The following VCAN variants were observed in gnomAD, a reference collection of about 807,000 sequenced individuals.
VCAN encodes versican core protein.
VCAN carries 44 observed loss-of-function variants against 245.5 expected under a neutral mutation model. That is an observed-to-expected ratio of 0.18 (90% CI 0.14 to 0.23). VCAN has a LOEUF of 0.23. Among genes scored for constraint, VCAN ranks in the 10% least tolerant of loss-of-function variants. The pLI is 1.00. For missense variants in VCAN, 3,793 were observed against 4,057.9 expected (o/e 0.93, Z 1.77); for synonymous variants, 1,413 against 1,437.0 (o/e 0.98, Z 0.38).
chr5:83,495,519 G>A (rs955428859), intron 5 of VCAN, among the ~76,000 whole-genome samples: 4 of 152,140 alleles, frequency 2.6e-5, no homozygotes, highest in Admixed American at 6.5e-5. Context: ...TAAAACTAGA[G>A]CTTTTCTCTT....
At position 83,522,148 on chromosome 5, in the gene VCAN, C is replaced by T. The variant is rs570361402; in HGVS notation, c.3842C>T (p.Thr1281Met). The T allele has an allele frequency of 2.5e-5, 40 of 1,612,324 alleles. No individual in the cohort carries two copies. Among genetic ancestry groups the T allele is most frequent in the Middle Eastern group, 1.6e-4 (1 of 6,062 alleles). The change falls in exon 7 of 15, where the codon ACG becomes ATG. Residue 1281 changes from threonine to methionine, a missense_variant. Thr to Met is a moderately conservative substitution (Grantham distance 81, BLOSUM62 -1). Transcript: ENST00000265077. Reference protein sequence around the residue: ...TETDIDREYFTTSSPPATQPT... With the variant: ...TETDIDREYFMTSSPPATQPT... The stretch of plus-strand genomic sequence containing the variant: ...ACCGATATTGATAGAGAGTATTTCA[C>T]GACTTCAAGTCCTCCTGCTACACAG...
In VCAN at chr5:83,539,450, A is replaced by T; in HGVS notation, c.6447A>T (p.Glu2149Asp). 1 of 1,613,428 alleles carries T rather than the reference A, an allele frequency of 6.2e-7. No individual in the cohort carries two copies. Residue 2149 changes from glutamate to aspartate, a missense_variant, in exon 8 of 15, where the codon GAA (glutamate) becomes GAT (aspartate). Physicochemically the swap from Glu to Asp is conservative, Grantham distance 45. Transcript: ENST00000265077. Reference protein sequence around the residue: ...IFDSQTFTETELKTTDYSVLT... With the variant: ...IFDSQTFTETDLKTTDYSVLT... ...ATTCACAGACATTTACTGAAACTGA[A>T]CTCAAAACCACAGATTATTCTGTAC...
chr5:83,512,426 C>A (rs769904020), intron 6 of VCAN, 30 bp downstream of exon 6: 2 of 1,607,322 alleles, frequency 1.2e-6, no homozygotes, highest in South Asian at 2.2e-5. Context: ...TTAAAAATTA[C>A]AGTTTTAAAA....
chr5:83,509,205 C>T (rs560576064), intron 5 of VCAN, among the ~76,000 whole-genome samples: 19 of 152,214 alleles, frequency 1.2e-4, no homozygotes, highest in African/African-American at 3.6e-4. Context: ...AAATGAATAT[C>T]GTATACTTCA....
rs142139582 is a variant in VCAN, at chr5:83,532,989, A to G, written c.4004-4018A>G. 3.4e-3 allele frequency among the ~76,000 whole-genome samples: 516 copies of G among 152,242 alleles called. 2 individuals are homozygous for G. Among genetic ancestry groups the G allele is most frequent in the African/African-American group, 0.012 (491 of 41,568 alleles). ...TTTCAGTTGCTCTTCTCACAAAAAG[A>G]TGGTATATATGTTAATCTGCTTCCT... On this transcript the variant is annotated intron_variant, in intron 7 of 14. Transcript: ENST00000265077.
At chr5:83,524,832 G>A (rs922092964) in intron 7 of VCAN, among the ~76,000 whole-genome samples, 1 of 152,104 alleles carries the variant, frequency 6.6e-6, no homozygotes, top group Non-Finnish European at 1.5e-5. Flanking sequence ...AAGTGCATAT[G>A]TGCCTGGAGA....
chr5:83,571,404 A>G (rs542365544), intron 12 of VCAN, among the ~76,000 whole-genome samples: 13 of 152,316 alleles, frequency 8.5e-5, no homozygotes, highest in Middle Eastern at 6.8e-3. Context: ...CTAAGGTCCA[A>G]ATAATTCCCT....
intron 3 of VCAN, among the ~76,000 whole-genome samples, chr5:83,491,001 G>T (rs534862013): frequency 1.1e-4 from 16 of 151,898 alleles, no homozygotes; most frequent in African/African-American, 3.9e-4. Flanking sequence ...AAAAACCATG[G>T]TACATATCAG....
At chr5:83,558,644 G>A (rs138753935) in intron 12 of VCAN, among the ~76,000 whole-genome samples, 1 of 152,146 alleles carries the variant, frequency 6.6e-6, no homozygotes, top group East Asian at 1.9e-4. Context: ...CAGTATAAAT[G>A]TATCATATTT....
In VCAN at chr5:83,490,228, T is replaced by A; in HGVS notation, c.201T>A (p.Ser67=). The change falls in exon 3 of 15, where the codon TCT becomes TCA. Residue 67 remains serine (S), a synonymous_variant. Coordinates refer to ENST00000265077, the MANE Select transcript of VCAN (RefSeq NM_004385.5). ...GTGAATTTCTCCGCATCAAATGGTCTAAGATTGAAGTGGACAAAAATGGAA... is the reference window on the plus strand; with the variant it reads ...GTGAATTTCTCCGCATCAAATGGTCAAAGATTGAAGTGGACAAAAATGGAA... ...NTSEFLRIKW[S]KIEVDKNGKD... The A allele has an allele frequency of 6.2e-7, 1 of 1,614,150 alleles. No homozygotes were observed. Among genetic ancestry groups the A allele is most frequent in the Non-Finnish European group, 8.5e-7 (1 of 1,180,028 alleles).
At chr5:83,495,530 G>A (rs966121679) in intron 5 of VCAN, among the ~76,000 whole-genome samples, 1 of 152,110 alleles carries the variant, frequency 6.6e-6, no homozygotes, top group East Asian at 1.9e-4. Flanking sequence ...CTTTTCTCTT[G>A]CCTTTATTTT....
chr5:83,533,542 A>G (rs961189993), intron 7 of VCAN, among the ~76,000 whole-genome samples: 1 of 152,082 alleles, frequency 6.6e-6, no homozygotes, highest in Non-Finnish European at 1.5e-5. Flanking sequence ...GAAATCAATG[A>G]GCATCTGAAG....
At chr5:83,568,019 T>C (rs1407172418) in intron 12 of VCAN, among the ~76,000 whole-genome samples, 3 of 152,226 alleles carry the variant, frequency 2.0e-5, no homozygotes, top group Non-Finnish European at 4.4e-5. Flanking sequence ...GACACCATAT[T>C]GTGCAAGAAG....
At chr5:83,480,882 T>C (rs911507602) in intron 1 of VCAN, among the ~76,000 whole-genome samples, 1 of 152,228 alleles carries the variant, frequency 6.6e-6, no homozygotes, top group Non-Finnish European at 1.5e-5. Flanking sequence ...GCAGAAAGTC[T>C]GAATTAGTAA....
At chr5:83,489,090 AC>A (rs1459379513) in intron 2 of VCAN, among the ~76,000 whole-genome samples, 1 of 150,178 alleles carries the variant, frequency 6.7e-6, no homozygotes, top group Non-Finnish European at 1.5e-5. Context: ...ATGTTTGACC[AC>A]TAGCAGAGTG....
Position 83,540,473 on chromosome 5 carries a change from T to A in VCAN, c.7470T>A (p.Pro2490=). 6.2e-7 allele frequency: 1 copy of A among 1,613,950 alleles called. No individual in the cohort carries two copies. Among genetic ancestry groups the A allele is most frequent in the Non-Finnish European group, 8.5e-7 (1 of 1,179,944 alleles). The change falls in exon 8 of 15, where the codon CCT becomes CCA. Residue 2490 remains proline (P), a synonymous_variant. Transcript: ENST00000265077. ...TCCCAACAGTTTCAGTGATGCTGCC[T>A]CTTCATTCAGAGCAGAACAAAAGCT... The part of the protein sequence containing the change: ...DGFPTVSVML[P]LHSEQNKSSP...
In VCAN at chr5:83,521,021, A is replaced by T; in HGVS notation, c.2715A>T (p.Lys905Asn). 1.2e-6 allele frequency: 2 copies of T among 1,613,664 alleles called. No homozygotes were observed. The highest frequency in any genetic ancestry group is 1.7e-6 in the Non-Finnish European group (2 of 1,179,882). ...STLRDSTTEE[K>N]VPPITSTEGQ... Reference sequence around the variant, plus strand: ...TGAGAGATTCTACAACTGAAGAAAAAGTTCCACCTATCACAAGCACTGAAG... The same window carrying T: ...TGAGAGATTCTACAACTGAAGAAAATGTTCCACCTATCACAAGCACTGAAG... The change falls in exon 7 of 15, where the codon AAA becomes AAT. Residue 905 changes from lysine (K) to asparagine (N), a missense_variant. Physicochemically the swap from Lys to Asn is moderately conservative, Grantham distance 94 (BLOSUM62 0). Around this residue, in one of 5 missense-constraint regions of VCAN, gnomAD observed 3,182 missense variants for 3,250.3 expected, o/e 0.98. Coordinates refer to ENST00000265077, the MANE Select transcript of VCAN (RefSeq NM_004385.5).
chr5:83,537,497 T>A lies in VCAN; in HGVS notation c.4494T>A (p.Pro1498=), dbSNP rs746728491. 1.2e-6 allele frequency: 2 copies of A among 1,613,956 alleles called. No individual in the cohort carries two copies. Residue 1498 remains proline, a synonymous_variant, in exon 8 of 15, where the codon CCT becomes CCA. Coordinates refer to ENST00000265077, the MANE Select transcript of VCAN (RefSeq NM_004385.5). The part of the protein sequence containing the change: ...ETSEHFSGGE[P]DVFPTVPFHE... ...CAGAACATTTTTCAGGTGGTGAGCC[T>A]GATGTTTTCCCCACAGTCCCATTCC...
intron 7 of VCAN, among the ~76,000 whole-genome samples, chr5:83,535,159 C>T (rs1029215000): frequency 2.0e-5 from 3 of 152,154 alleles, no homozygotes; most frequent in East Asian, 1.9e-4. Flanking sequence ...ATGTATTTAT[C>T]TCGCTTCTCT....
Sources: gnomAD v4.1 joint callset for allele counts (sites outside exome capture counted in the v4.1 genomes callset) on GRCh38, gnomAD v4.1.1 for gene constraint, gnomAD v4.1.1 regional missense constraint, MANE v1.5 for transcripts, NCBI Gene and HGNC (gene_info 2026-07-23, HGNC 2026-07-21) for gene names.